Variants in KIAA1549L observed in about 807,000 individuals in gnomAD.
KIAA1549L encodes the protein KIAA1549 like.
Under a neutral mutation model 160.7 loss-of-function variants are expected in KIAA1549L, and 88 were observed. The observed-to-expected ratio is 0.55, with a 90% CI of 0.46 to 0.65. The LOEUF is 0.65. KIAA1549L is among the 30% of genes least tolerant of loss of function. KIAA1549L has a pLI of 0.00. For synonymous variants in KIAA1549L, 950 were observed against 976.7 expected (o/e 0.97, Z 0.51); for missense variants, 2,258 against 2,437.5 (o/e 0.93, Z 1.55).
intron 1 of KIAA1549L, among the ~76,000 whole-genome samples, chr11:33,434,508 A>T (rs1279441506): frequency 2.0e-5 from 3 of 152,208 alleles, no homozygotes. Context: ...CCATGTGGAC[A>T]TATGTCCGTT....
intron 1 of KIAA1549L, among the ~76,000 whole-genome samples, chr11:33,458,356 G>C (rs1307492448): frequency 6.6e-6 from 1 of 152,224 alleles, no homozygotes. Context: ...TCTTGCCCCA[G>C]GTTCTGCAAA....
intron 12 of KIAA1549L, among the ~76,000 whole-genome samples, chr11:33,592,387 T>C (rs1273140551): frequency 6.6e-6 from 1 of 152,182 alleles, no homozygotes; most frequent in Non-Finnish European, 1.5e-5. Context: ...AAGAGACTCA[T>C]TGTAAGACTT....
intron 15 of KIAA1549L, among the ~76,000 whole-genome samples, chr11:33,610,699 T>C (rs1850626275): frequency 6.6e-6 from 1 of 152,254 alleles, no homozygotes; most frequent in East Asian, 1.9e-4. Context: ...AAGGGAGTCC[T>C]GTCCCAGCAA....
At chr11:33,606,511 G>A in intron 13 of KIAA1549L, 130 bp from the exon 14 acceptor site, 1 of 817,450 alleles carries the variant, frequency 1.2e-6, no homozygotes, top group South Asian at 1.9e-5. Flanking sequence ...TGGCACAGAA[G>A]CAGATGCTGT....
intron 9 of KIAA1549L, among the ~76,000 whole-genome samples, chr11:33,571,427 T>G (rs1487221525): frequency 6.6e-6 from 1 of 152,198 alleles, no homozygotes; most frequent in African/African-American, 2.4e-5. Context: ...TGCATTGCTA[T>G]AAAGAAATAT....
Position 33,389,578 on chromosome 11 carries a change from G to A in KIAA1549L, c.238+12689G>A, listed in dbSNP as rs768769458. On this transcript the variant is annotated intron_variant, in intron 1 of 20. Transcript: ENST00000658780. ...TATCTTATTAATACTGGAGATGAAC[G>A]TATGAATCAAGCTGGTGAACCCTAC... 4.6e-5 allele frequency among the ~76,000 whole-genome samples: 7 copies of A among 152,302 alleles called. No individual in the cohort carries two copies. In the East Asian group the frequency reaches 7.7e-4, roughly 17 times the overall value.
intron 1 of KIAA1549L, among the ~76,000 whole-genome samples, chr11:33,517,797 T>C: frequency 6.6e-6 from 1 of 152,072 alleles, no homozygotes; most frequent in East Asian, 1.9e-4. Flanking sequence ...CTCAGGCTCT[T>C]CTTCAGGAGC....
At chr11:33,448,071 A>C (rs1272471742) in intron 1 of KIAA1549L, among the ~76,000 whole-genome samples, 2 of 152,110 alleles carry the variant, frequency 1.3e-5, no homozygotes, top group African/African-American at 4.8e-5. Flanking sequence ...ATTTTTTTTA[A>C]TTATTATTTT....
chr11:33,550,941 A>T, intron 4 of KIAA1549L, 99 bp from the exon 5 acceptor site: 1 of 928,006 alleles, frequency 1.1e-6, no homozygotes, highest in South Asian at 1.4e-5. Flanking sequence ...TCTATTCTCC[A>T]GTCTTGTTTC....
Position 33,464,509 on chromosome 11 carries a change from T to TGTGTGTGC in KIAA1549L, c.239-77290_239-77289insTGTGCGTG, listed in dbSNP as rs986852330. Among the ~76,000 whole-genome samples, 24 of 139,864 alleles carry TGTGTGTGC rather than the reference T, an allele frequency of 1.7e-4. No individual in the cohort carries two copies. In the East Asian group the frequency reaches 4.6e-3, roughly 27 times the overall value. 91.8% of individuals were successfully genotyped at this position (139,864 alleles called of 152,430 possible). Reference sequence around the variant, plus strand: ...GTGTGTGTGTGTGTGTGTGTGTGTGTGTGCGTGCGCGCATGCCCCCCCCCA... The same window carrying TGTGTGTGC: ...GTGTGTGTGTGTGTGTGTGTGTGTGTGTGTGTGCGTGCGTGCGCGCATGCCCCCCCCCA... On this transcript the variant is annotated intron_variant, in intron 1 of 20. Coordinates refer to ENST00000658780, the MANE Select transcript of KIAA1549L (RefSeq NM_012194.3).
chr11:33,379,744 T>C (rs1237541183), intron 1 of KIAA1549L, among the ~76,000 whole-genome samples: 1 of 152,226 alleles, frequency 6.6e-6, no homozygotes, highest in Non-Finnish European at 1.5e-5. Flanking sequence ...ATTGGGTTCT[T>C]GTGAGGATTA....
At chr11:33,568,345 A>G in intron 9 of KIAA1549L, 118 bp downstream of exon 9, 4 of 926,572 alleles carry the variant, frequency 4.3e-6, no homozygotes, top group South Asian at 4.1e-5. Context: ...CCAACTGACT[A>G]AGCCATTTTA....
At chr11:33,439,721 A>G (rs1039524735) in intron 1 of KIAA1549L, among the ~76,000 whole-genome samples, 16 of 151,890 alleles carry the variant, frequency 1.1e-4, no homozygotes, top group African/African-American at 3.1e-4. Flanking sequence ...TATCAATTCT[A>G]TGCATCGGGT....
Position 33,415,651 on chromosome 11 carries a change from C to T in KIAA1549L, c.238+38762C>T, listed in dbSNP as rs533536309. ...TTGGTCTGTACTGCGCAGGTGGATA[C>T]GGTCATTTTACCTTCCTAAGTAAGC... On this transcript the variant is annotated intron_variant, in intron 1 of 20. Coordinates refer to ENST00000658780, the MANE Select transcript of KIAA1549L (RefSeq NM_012194.3). Among the ~76,000 whole-genome samples, 25 of 152,242 alleles carry T rather than the reference C, an allele frequency of 1.6e-4. 1 individual carries two copies. The South Asian group carries it at 2.9e-3, about 18-fold the overall frequency.
At chr11:33,512,608 A>C (rs1291309269) in intron 1 of KIAA1549L, among the ~76,000 whole-genome samples, 1 of 152,128 alleles carries the variant, frequency 6.6e-6, no homozygotes, top group Non-Finnish European at 1.5e-5. Flanking sequence ...TTTTTTGTAG[A>C]GATGGGGTTT....
chr11:33,441,948 G>T (rs572090037), intron 1 of KIAA1549L, among the ~76,000 whole-genome samples: 5 of 152,172 alleles, frequency 3.3e-5, no homozygotes, highest in Middle Eastern at 3.4e-3. Flanking sequence ...GTCAATTTTG[G>T]CTTTTGTTGC....
Position 33,543,504 on chromosome 11 carries a change from C to T in KIAA1549L, c.1941C>T (p.Thr647=), listed in dbSNP as rs759134453. Residue 647 remains threonine, a synonymous_variant, in exon 2 of 21, where the codon ACC becomes ACT. Coordinates refer to ENST00000658780, the MANE Select transcript of KIAA1549L (RefSeq NM_012194.3). The part of the protein sequence containing the change: ...TVFPSLGFSS[T]KPEAYAAAVD... ...TCCCATCTCTTGGCTTTTCCAGCAC[C>T]AAGCCAGAGGCTTATGCAGCTGCTG... 1 of 1,614,030 alleles carries T rather than the reference C, an allele frequency of 6.2e-7. No individual in the cohort carries two copies. The highest frequency in any genetic ancestry group is 2.2e-5 in the East Asian group (1 of 44,888).
intron 1 of KIAA1549L, among the ~76,000 whole-genome samples, chr11:33,400,840 C>G (rs757599309): frequency 1.3e-5 from 2 of 152,144 alleles, no homozygotes; most frequent in African/African-American, 2.4e-5. Context: ...CTTCACAGAC[C>G]TCTTATGAGG....
chr11:33,501,249 T>C (rs1466402695), intron 1 of KIAA1549L, among the ~76,000 whole-genome samples: 1 of 152,234 alleles, frequency 6.6e-6, no homozygotes, highest in Non-Finnish European at 1.5e-5. Context: ...ACATCCTTTG[T>C]CATTCAAAAT....
Sources: allele counts gnomAD v4.1 joint callset (sites outside exome capture counted in the v4.1 genomes callset), GRCh38; gene constraint gnomAD v4.1.1; transcripts MANE v1.5; gene names NCBI Gene and HGNC (gene_info 2026-07-23, HGNC 2026-07-21).